UTRN: variants seen among roughly 807,000 people sequenced by gnomAD.
UTRN encodes the protein dystrophin-related protein 1.
Under a neutral mutation model 463.9 loss-of-function variants are expected in UTRN, and 283 were observed. That is an observed-to-expected ratio of 0.61 (90% confidence interval 0.55 to 0.67). The LOEUF is 0.67. Ranked by LOEUF, UTRN falls within the 30% of genes least tolerant of loss-of-function variation. The probability of loss-of-function intolerance (pLI) is 0.00; values close to 1 mark genes in which losing one functional copy is unlikely to be tolerated. For missense variants in UTRN, 3,922 were observed against 4,084.3 expected, an observed-to-expected ratio of 0.96 and a Z score of 1.08; for synonymous variants, 1,442 against 1,431.5, an observed-to-expected ratio of 1.01 and a Z score of -0.17.
At chr6:144,452,484 A>G (rs1232716214) in intron 18 of UTRN, among the ~76,000 whole-genome samples, 2 of 152,190 alleles carry the variant, frequency 1.3e-5, no homozygotes, top group Non-Finnish European at 2.9e-5. Flanking sequence ...GAGGAATGAG[A>G]GAAAATTCAA....
At chr6:144,440,585 A>G in intron 13 of UTRN, 114 bp downstream of exon 13, 1 of 1,407,696 alleles carries the variant, frequency 7.1e-7, no homozygotes, top group Non-Finnish European at 9.8e-7. Flanking sequence ...GGGTAGAAAA[A>G]CCTACCTTTG....
intron 44 of UTRN, among the ~76,000 whole-genome samples, chr6:144,538,226 A>G (rs144902380): frequency 6.6e-6 from 1 of 152,306 alleles, no homozygotes; most frequent in East Asian, 1.9e-4. Context: ...GTATATGTAT[A>G]TAATCTATAA....
At chr6:144,323,953 A>G (rs1562249450) in intron 2 of UTRN, among the ~76,000 whole-genome samples, 1 of 152,322 alleles carries the variant, frequency 6.6e-6, no homozygotes, top group East Asian at 1.9e-4. Flanking sequence ...CTGATCTGCA[A>G]GGTGGCCTTG....
chr6:144,436,654 A>G (rs1455607553), intron 10 of UTRN, among the ~76,000 whole-genome samples: 2 of 151,136 alleles, frequency 1.3e-5, no homozygotes, highest in East Asian at 3.9e-4. Context: ...TTGTATAGTT[A>G]TGTGAATTGA....
rs897865446 is a variant in UTRN, at chr6:144,700,405, A to G, written c.7809+162A>G. ...GCCAGTAGACATTTAAAGTGCATAC[A>G]TTGTTTCCATTTGTATTATCTTCAC... On this transcript the variant is annotated intron_variant, in intron 53 of 74. Transcript: ENST00000367545. Among the ~76,000 whole-genome samples the G allele has an allele frequency of 8.6e-5, 13 of 151,858 alleles. 1 individual carries two copies. The highest frequency in any genetic ancestry group is 1.3e-4 in the Admixed American group (2 of 15,242).
chr6:144,667,871 A>G (rs141569052), intron 51 of UTRN, among the ~76,000 whole-genome samples: 18 of 152,272 alleles, frequency 1.2e-4, no homozygotes, highest in Non-Finnish European at 2.2e-4. Flanking sequence ...CAGCTGCCCT[A>G]TTCACTTCTC....
chr6:144,327,468 T>G (rs1191420495), intron 2 of UTRN, among the ~76,000 whole-genome samples: 1 of 152,206 alleles, frequency 6.6e-6, no homozygotes, highest in Non-Finnish European at 1.5e-5. Flanking sequence ...TGTTTTCTGC[T>G]GAGGCAGCCC....
chr6:144,824,611 TA>T (rs1779975132), intron 66 of UTRN, among the ~76,000 whole-genome samples: 123 of 43,974 alleles, frequency 2.8e-3, no homozygotes, highest in South Asian at 3.8e-3. Flanking sequence ...TATATATATA[TA>T]TCTTTTTTTT....
At chr6:144,514,858 A>G (rs767770026) in intron 37 of UTRN, 38 bp downstream of exon 37, 18 of 1,586,222 alleles carry the variant, frequency 1.1e-5, no homozygotes, top group Middle Eastern at 1.7e-4. Context: ...CATTTTTCCT[A>G]TGGGTATGTA....
intron 27 of UTRN, 96 bp from the exon 28 acceptor site, chr6:144,485,289 C>G: frequency 6.6e-7 from 1 of 1,517,852 alleles, no homozygotes; most frequent in Non-Finnish European, 8.9e-7. Flanking sequence ...TACTCACATC[C>G]AAATGAAATT....
At chr6:144,577,057 A>G (rs372111543) in intron 50 of UTRN, 42 bp from the exon 51 acceptor site, 20 of 1,589,268 alleles carry the variant, frequency 1.3e-5, no homozygotes, top group Middle Eastern at 3.7e-4. Flanking sequence ...ATGTCACAAC[A>G]CTGTAAGTAA....
intron 2 of UTRN, among the ~76,000 whole-genome samples, chr6:144,369,335 T>C (rs1481800658): frequency 1.3e-5 from 2 of 152,182 alleles, no homozygotes; most frequent in Non-Finnish European, 2.9e-5. Flanking sequence ...AATTATAACC[T>C]GGGCTGGGCA....
intron 50 of UTRN, among the ~76,000 whole-genome samples, chr6:144,563,258 A>G (rs908318060): frequency 3.9e-5 from 6 of 152,156 alleles, no homozygotes; most frequent in African/African-American, 1.4e-4. Context: ...ATTTTGATTG[A>G]CTTTCCAAGT....
intron 2 of UTRN, among the ~76,000 whole-genome samples, chr6:144,321,410 C>T (rs146978775): frequency 2.0e-5 from 3 of 149,532 alleles, no homozygotes; most frequent in East Asian, 2.0e-4. Context: ...TTGCCCAACA[C>T]GGGTAATGAG....
chr6:144,626,061 T>A (rs1775911459), intron 51 of UTRN, among the ~76,000 whole-genome samples: 1 of 152,226 alleles, frequency 6.6e-6, no homozygotes, highest in Admixed American at 6.5e-5. Context: ...AGTAGTTTAT[T>A]TTCATTGCCT....
intron 59 of UTRN, among the ~76,000 whole-genome samples, chr6:144,773,518 A>G (rs1223800711): frequency 6.6e-6 from 1 of 152,186 alleles, no homozygotes; most frequent in African/African-American, 2.4e-5. Context: ...CCTATAACAA[A>G]AGACAGGTCA....
chr6:144,340,385 T>A (rs1235031134), intron 2 of UTRN, among the ~76,000 whole-genome samples: 1 of 152,178 alleles, frequency 6.6e-6, no homozygotes, highest in Admixed American at 6.5e-5. Flanking sequence ...CAGGGAAGAA[T>A]GAAGAAGATG....
chr6:144,718,505 A>G (rs1281714894), intron 53 of UTRN, among the ~76,000 whole-genome samples: 1 of 152,174 alleles, frequency 6.6e-6, no homozygotes, highest in Non-Finnish European at 1.5e-5. Context: ...AATAGTTTCA[A>G]AATATCTTTT....
At chr6:144,686,833 A>G (rs13213354) in intron 52 of UTRN, among the ~76,000 whole-genome samples, 55,254 of 151,650 alleles carry the variant, frequency 0.36, 11,410 homozygotes, top group East Asian at 0.88. Flanking sequence ...GTTTTTATCC[A>G]TTCTGCCACT....
Sources: gnomAD v4.1 joint callset for allele counts (sites outside exome capture counted in the v4.1 genomes callset) on GRCh38, gnomAD v4.1.1 for gene constraint, MANE v1.5 for transcripts, NCBI Gene and HGNC (gene_info 2026-07-23, HGNC 2026-07-21) for gene names.